TWIST2: variants seen among roughly 807,000 people sequenced by gnomAD.
The protein encoded by TWIST2 is twist family bHLH transcription factor 2.
In TWIST2, 1 loss-of-function variant was observed where a neutral mutation model predicts 11.6. That is an observed-to-expected ratio of 0.09 (90% CI 0.03 to 0.41). TWIST2 has a LOEUF of 0.41. TWIST2 is among the 10% of genes least tolerant of loss of function. The probability of loss-of-function intolerance (pLI) is 0.98; values close to 1 mark genes in which losing one functional copy is unlikely to be tolerated. For synonymous variants in TWIST2, 87 were observed against 96.6 expected (o/e 0.90, Z 0.58); for missense variants, 168 against 226.4 (o/e 0.74, Z 1.66).
At position 238,868,000 on chromosome 2, in the gene TWIST2, C is replaced by T. The variant is rs927054580; in HGVS notation, c.*35+19267C>T. ...GTAGTGAGGCTCGGGAAACGTGGAA[C>T]GAAAGAAAGATAGAAAAAATAAATG... On this transcript the variant is annotated intron_variant, in intron 1 of 1. Transcript: ENST00000612363. The surrounding 1 kb of genome is among the most constrained non-coding windows in gnomAD (Gnocchi z 4.8). Among the ~76,000 whole-genome samples, 27 of 152,184 alleles carry T rather than the reference C, an allele frequency of 1.8e-4. No individual in the cohort carries two copies. Among genetic ancestry groups the T allele is most frequent in the South Asian group, 1.7e-3 (8 of 4,820 alleles).
chr2:238,872,993 A>T (rs1384220790), intron 1 of TWIST2, among the ~76,000 whole-genome samples: 1 of 152,128 alleles, frequency 6.6e-6, no homozygotes, highest in Non-Finnish European at 1.5e-5. Context: ...CACCATTCAC[A>T]TCCAGCCAAG....
chr2:238,856,853 A>G (rs1269955467), intron 1 of TWIST2, among the ~76,000 whole-genome samples: 1 of 152,188 alleles, frequency 6.6e-6, no homozygotes, highest in African/African-American at 2.4e-5. Flanking sequence ...ACACTGCTGC[A>G]ATAGTGCCAC....
In TWIST2 at chr2:238,905,890, C is replaced by T. The variant is rs1454508651; in HGVS notation, c.*36-3952C>T. 2.8e-3 allele frequency among the ~76,000 whole-genome samples: 341 copies of T among 119,696 alleles called. 2 individuals carry two copies. The highest frequency in any genetic ancestry group is 0.01 in the African/African-American group (330 of 31,882). 78.5% of individuals were successfully genotyped at this position (119,696 alleles called of 152,430 possible). On this transcript the variant is annotated intron_variant, in intron 1 of 1. Coordinates refer to ENST00000612363, the MANE Select transcript of TWIST2 (RefSeq NM_001271893.4). Reference sequence around the variant, plus strand: ...GCGTGCGTGTGTGTGCATGTGCGCGCATGCGCGTGTGTGCGTGTGTGTGCG... The same window carrying T: ...GCGTGCGTGTGTGTGCATGTGCGCGTATGCGCGTGTGTGCGTGTGTGTGCG...
At chr2:238,868,056 A>T (rs890537401) in intron 1 of TWIST2, among the ~76,000 whole-genome samples, 1 of 152,224 alleles carries the variant, frequency 6.6e-6, no homozygotes, top group Non-Finnish European at 1.5e-5. Context: ...GGAACACTGC[A>T]GTTAGGAAGG....
rs2106377748 is a variant in TWIST2, at chr2:238,910,055, A to C, written c.*249A>C. ...CACTCCCAGCCCTCTTGCTGGTGAC[A>C]TTGTCATGGTCATCTTGTTTCTGTT... is the stretch of plus-strand genomic sequence containing the variant. On this transcript the variant is annotated 3_prime_UTR_variant, in exon 2 of 2. Transcript: ENST00000612363. 6.6e-6 allele frequency: 1 copy of C among 152,100 alleles called. No homozygotes were observed. Among genetic ancestry groups the C allele is most frequent in the Admixed American group, 6.5e-5 (1 of 15,294 alleles). 9.4% of individuals were successfully genotyped at this position (152,100 alleles called of 1,614,324 possible). A position where few individuals can be genotyped will look rare whatever the true frequency, so the allele number is the denominator to read the frequency against.
intron 1 of TWIST2, among the ~76,000 whole-genome samples, chr2:238,909,037 C>CT: frequency 2.2e-5 from 1 of 45,546 alleles, no homozygotes; most frequent in African/African-American, 7.6e-5. Context: ...GTGGTGTATT[C>CT]GTGGTTGTGG....
intron 1 of TWIST2, among the ~76,000 whole-genome samples, chr2:238,900,800 G>C (rs1693260145): frequency 1.3e-5 from 2 of 152,106 alleles, no homozygotes; most frequent in East Asian, 3.9e-4. Flanking sequence ...CCTACTCTTA[G>C]AGCCCAGAGA....
intron 1 of TWIST2, among the ~76,000 whole-genome samples, chr2:238,859,766 G>C (rs1692398623): frequency 6.6e-6 from 1 of 152,126 alleles, no homozygotes; most frequent in African/African-American, 2.4e-5. Flanking sequence ...TCGACATCTA[G>C]TTCCTAATGT....
intron 1 of TWIST2, among the ~76,000 whole-genome samples, chr2:238,855,837 G>A (rs1407291830): frequency 1.3e-5 from 2 of 152,118 alleles, no homozygotes; most frequent in African/African-American, 2.4e-5. Context: ...CCGAAGCCTC[G>A]TGCGGCCCAT....
chr2:238,875,732 G>A (rs1228984109), intron 1 of TWIST2, among the ~76,000 whole-genome samples: 1 of 152,198 alleles, frequency 6.6e-6, no homozygotes, highest in Non-Finnish European at 1.5e-5. Context: ...ACTCAGCCGA[G>A]TTTCTGGGGG....
chr2:238,848,447 C>T lies in TWIST2; in HGVS notation c.232C>T (p.Arg78Cys). The change falls in exon 1 of 2, where the codon CGC (arginine) becomes TGC (cysteine). Residue 78 changes from arginine (R) to cysteine (C), a missense_variant. Physicochemically the swap from Arg to Cys is radical, Grantham distance 180. Around this residue, in one of 3 missense-constraint regions of TWIST2, gnomAD observed 23 missense variants for 58.5 expected, o/e 0.39. Coordinates refer to ENST00000612363, the MANE Select transcript of TWIST2 (RefSeq NM_001271893.4). Reference sequence around the variant, plus strand: ...CCTGGCCAACGTGCGCGAGCGCCAGCGCACCCAGTCGCTCAACGAGGCCTT... The same window carrying T: ...CCTGGCCAACGTGCGCGAGCGCCAGTGCACCCAGTCGCTCAACGAGGCCTT... ...RILANVRERQ[R>C]TQSLNEAFAA... is the part of the protein sequence containing the mutation. 6.4e-7 allele frequency: 1 copy of T among 1,552,680 alleles called. No homozygotes were observed.
In TWIST2 at chr2:238,864,433, TG is replaced by T. The variant is rs537476662; in HGVS notation, c.*35+15701del. Among the ~76,000 whole-genome samples the T allele has an allele frequency of 3.1e-3, 471 of 152,350 alleles. 4 individuals carry two copies. The highest frequency in any genetic ancestry group is 0.01 in the African/African-American group (430 of 41,580). Reference sequence around the variant, plus strand: ...GGAGTGACTCAGAGCCGTGGCTTTTTGTCCTCTGGCTGTGCAAATAAACAGA... The same window carrying T: ...GGAGTGACTCAGAGCCGTGGCTTTTTTCCTCTGGCTGTGCAAATAAACAGA... On this transcript the variant is annotated intron_variant, in intron 1 of 1. Coordinates refer to ENST00000612363, the MANE Select transcript of TWIST2 (RefSeq NM_001271893.4). The surrounding 1 kb of genome is among the most constrained non-coding windows in gnomAD (Gnocchi z 4.7).
chr2:238,908,621 A>G (rs1306242338), intron 1 of TWIST2, among the ~76,000 whole-genome samples: 1 of 152,170 alleles, frequency 6.6e-6, no homozygotes, highest in African/African-American at 2.4e-5. Flanking sequence ...TGTGGTATAT[A>G]ATATACCATA....
chr2:238,886,430 T>C (rs1318663089), intron 1 of TWIST2, among the ~76,000 whole-genome samples: 2 of 152,094 alleles, frequency 1.3e-5, no homozygotes, highest in African/African-American at 2.4e-5. Context: ...TCGTACACAG[T>C]ATGAGGGAGA....
intron 1 of TWIST2, among the ~76,000 whole-genome samples, chr2:238,860,947 A>G (rs546901026): frequency 3.2e-4 from 49 of 152,266 alleles, no homozygotes; most frequent in South Asian, 4.1e-4. Context: ...CAAAACAAAC[A>G]AACAAACAAA....
At chr2:238,900,017 T>G (rs1196130581) in intron 1 of TWIST2, among the ~76,000 whole-genome samples, 2 of 152,216 alleles carry the variant, frequency 1.3e-5, no homozygotes, top group African/African-American at 4.8e-5. Flanking sequence ...TGGTCCTTCA[T>G]CTTTAAATTC....
intron 1 of TWIST2, among the ~76,000 whole-genome samples, chr2:238,853,954 G>C (rs1216324917): frequency 2.0e-5 from 3 of 152,158 alleles, no homozygotes; most frequent in African/African-American, 4.8e-5. Flanking sequence ...CTTGTCTACC[G>C]GGGCTGTCCC....
At chr2:238,894,663 G>C (rs1178095583) in intron 1 of TWIST2, among the ~76,000 whole-genome samples, 11 of 152,072 alleles carry the variant, frequency 7.2e-5, no homozygotes, top group Non-Finnish European at 8.8e-5. Flanking sequence ...AGTCAATGCT[G>C]TCTTTACCCC....
chr2:238,864,275 C>A lies in TWIST2; in HGVS notation c.*35+15542C>A, dbSNP rs889021189. Reference sequence around the variant, plus strand: ...ACCCCAAGCACGCGACTGTGAGCGGCGATCGGGGCCTGATCCTCAGTTCGA... The same window carrying A: ...ACCCCAAGCACGCGACTGTGAGCGGAGATCGGGGCCTGATCCTCAGTTCGA... On this transcript the variant is annotated intron_variant, in intron 1 of 1. Transcript: ENST00000612363. This position sits in a 1 kb window ranked among gnomAD's most constrained non-coding sequence, Gnocchi z 4.7. Among the ~76,000 whole-genome samples, 1 of 152,200 alleles carries A rather than the reference C, an allele frequency of 6.6e-6. No homozygotes were observed. The highest frequency in any genetic ancestry group is 1.5e-5 in the Non-Finnish European group (1 of 68,044).
Sources: gnomAD v4.1 joint callset for allele counts (sites outside exome capture counted in the v4.1 genomes callset) on GRCh38, gnomAD v4.1.1 for gene constraint, gnomAD v4.1.1 regional missense constraint, Gnocchi (gnomAD v3.1) non-coding constraint, MANE v1.5 for transcripts, NCBI Gene and HGNC (gene_info 2026-07-23, HGNC 2026-07-21) for gene names.